Variants in TSPAN17 observed in about 807,000 individuals in gnomAD.
TSPAN17 encodes the protein tetraspanin-17.
TSPAN17 carries 33 observed loss-of-function variants against 40.5 expected under a neutral mutation model. That is an observed-to-expected ratio of 0.81 (90% CI 0.62 to 1.09). TSPAN17 has a LOEUF of 1.09. Ranked by LOEUF, TSPAN17 falls within the 50% of genes least tolerant of loss-of-function variation. The pLI is 0.00. For synonymous variants in TSPAN17, 166 were observed against 169.4 expected (o/e 0.98, Z 0.15); for missense variants, 365 against 416.8 (o/e 0.88, Z 1.08).
Position 176,654,622 on chromosome 5 carries a change from T to G in TSPAN17, c.457-273T>G. The G allele has an allele frequency of 2.3e-6, 1 of 436,298 alleles. No homozygotes were observed. The highest frequency in any genetic ancestry group is 4.5e-5 in the East Asian group (1 of 22,438). The allele number at this position is 436,298 out of a possible 1,614,324, so 27.0% of individuals were successfully genotyped here. The stretch of plus-strand genomic sequence containing the variant: ...GGTAGTCTGGAGGAAGCCACAGTCA[T>G]TGAACCAGTATCCTTGTCCCACTCC... On this transcript the variant is annotated intron_variant, in intron 4 of 8. Transcript: ENST00000508164. The surrounding 1 kb of genome is among the most constrained non-coding windows in gnomAD (Gnocchi z 4.3).
At position 176,654,300 on chromosome 5, in the gene TSPAN17, T is replaced by C. The variant is rs1761069062; in HGVS notation, c.457-595T>C. On this transcript the variant is annotated intron_variant, in intron 4 of 8. Transcript: ENST00000508164. The surrounding 1 kb of genome is among the most constrained non-coding windows in gnomAD (Gnocchi z 4.3). ...GCGCTGCTGCTCAGTGAGGGCTGTGTGCACCCGTGTGCCCCACAAGACCAT... is the reference window on the plus strand; with the variant it reads ...GCGCTGCTGCTCAGTGAGGGCTGTGCGCACCCGTGTGCCCCACAAGACCAT... 2 of 154,458 alleles carry C rather than the reference T, an allele frequency of 1.3e-5. 1 individual carries two copies. The highest frequency in any genetic ancestry group is 1.3e-4 in the Admixed American group (2 of 15,368). The allele number at this position is 154,458 out of a possible 1,614,324, so 9.6% of individuals were successfully genotyped here.
rs893350921 is a variant in TSPAN17 at position 176,658,292 on chromosome 5, C to G, written c.*594C>G. ...GCCTGCCTACTAGCGCTCTGGGGTTCGGAGAGTTTGGGAATTTCTCAGAGC... is the reference window on the plus strand; with the variant it reads ...GCCTGCCTACTAGCGCTCTGGGGTTGGGAGAGTTTGGGAATTTCTCAGAGC... On this transcript the variant is annotated 3_prime_UTR_variant, in exon 9 of 9. Transcript: ENST00000508164. The G allele has an allele frequency of 6.6e-6, 1 of 152,276 alleles. No homozygotes were observed. The highest frequency in any genetic ancestry group is 1.9e-4 in the East Asian group (1 of 5,198). 9.4% of individuals were successfully genotyped at this position (152,276 alleles called of 1,614,324 possible).
Position 176,654,266 on chromosome 5 carries a change from C to T in TSPAN17, c.457-629C>T, listed in dbSNP as rs576991043. ...CTCCCCCAGCCCTGTGGGCTGCTCT[C>T]CAGCCCCTGCGCTGCTGCTCAGTGA... On this transcript the variant is annotated intron_variant, in intron 4 of 8. Coordinates refer to ENST00000508164, the MANE Select transcript of TSPAN17 (RefSeq NM_130465.5). The surrounding 1 kb of genome is among the most constrained non-coding windows in gnomAD (Gnocchi z 4.3). 7.8e-5 allele frequency: 12 copies of T among 153,280 alleles called. No individual in the cohort carries two copies. The highest frequency in any genetic ancestry group is 2.9e-4 in the African/African-American group (12 of 41,590). The allele number at this position is 153,280 out of a possible 1,614,324, so 9.5% of individuals were successfully genotyped here. A position where few individuals can be genotyped will look rare whatever the true frequency, so the allele number is the denominator to read the frequency against.
rs146769130 is a variant in TSPAN17 at position 176,648,041 on chromosome 5, A to G, written c.87+339A>G. Among the ~76,000 whole-genome samples the G allele has an allele frequency of 1.2e-3, 181 of 152,008 alleles. 4 individuals are homozygous for G. In the East Asian group the frequency reaches 0.03, roughly 25 times the overall value. The stretch of plus-strand genomic sequence containing the variant: ...CCCCTCTCGCCCAGCCCTCCTTCCT[A>G]CCCTGGGATGTGGGATGCGTGCCAA... On this transcript the variant is annotated intron_variant, in intron 1 of 8. Coordinates refer to ENST00000508164, the MANE Select transcript of TSPAN17 (RefSeq NM_130465.5).
At position 176,657,507 on chromosome 5, in the gene TSPAN17, T is replaced by C; in HGVS notation, c.810-11T>C. 1 of 1,566,452 alleles carries C rather than the reference T, an allele frequency of 6.4e-7. No homozygotes were observed. The highest frequency in any genetic ancestry group is 8.7e-7 in the Non-Finnish European group (1 of 1,154,070). On this transcript the variant is annotated splice_polypyrimidine_tract_variant and intron_variant, in intron 8 of 8. Transcript: ENST00000508164. ...GGTCCAAGAATTTTCTTTCTCTTGC[T>C]TGCCTCTCAGGAGCAAATGGAATGA...
intron 1 of TSPAN17, among the ~76,000 whole-genome samples, chr5:176,648,709 C>A (rs1299332758): frequency 6.6e-6 from 1 of 152,162 alleles, no homozygotes; most frequent in Non-Finnish European, 1.5e-5. Context: ...GCTGGGACAC[C>A]TTGGGCAAGT....
rs769950529 is a variant in TSPAN17 at position 176,656,714 on chromosome 5, G to A, written c.645G>A (p.Gln215=). The A allele has an allele frequency of 1.2e-6, 2 of 1,614,166 alleles. No homozygotes were observed. Among genetic ancestry groups the A allele is most frequent in the South Asian group, 1.1e-5 (1 of 91,092 alleles). Residue 215 remains glutamine, a synonymous_variant, in exon 7 of 9, where the codon CAG becomes CAA. Coordinates refer to ENST00000508164, the MANE Select transcript of TSPAN17 (RefSeq NM_130465.5). ...CGTGTCCCCAGGAGCTGGAGCAGCA[G>A]GGCTTCATCCACACCAAAGGCTGCG... ...DVRLKLELEQ[Q]GFIHTKGCVG... is the part of the protein sequence containing the mutation.
chr5:176,657,363 T>C, intron 8 of TSPAN17, 155 bp from the exon 9 acceptor site: 1 of 1,324,526 alleles, frequency 7.5e-7, no homozygotes, highest in Non-Finnish European at 1.0e-6. Context: ...TGCGTAGCTG[T>C]ATGGGGCGCG....
intron 1 of TSPAN17, among the ~76,000 whole-genome samples, chr5:176,648,839 T>C (rs781693567): frequency 2.7e-5 from 4 of 147,658 alleles, no homozygotes; most frequent in Non-Finnish European, 4.4e-5. Flanking sequence ...AACTGCCTTA[T>C]TATCTGCATT....
In TSPAN17 at chr5:176,651,805, G is replaced by GA. The variant is rs753089582; in HGVS notation, c.190_191insA (p.Val64AspfsTer78). ...GACAGATCTGGGAGGCCTTGACCCC[G>GA]TGTGGCTGTTTGTGGTAGTTGGAGG... On this transcript the variant is annotated frameshift_variant, in exon 3 of 9. Transcript: ENST00000508164. LOFTEE classifies it high-confidence loss of function. The surrounding 1 kb of genome is among the most constrained non-coding windows in gnomAD (Gnocchi z 4.5). 1 of 1,614,136 alleles carries GA rather than the reference G, an allele frequency of 6.2e-7. No homozygotes were observed. The highest frequency in any genetic ancestry group is 2.2e-5 in the East Asian group (1 of 44,868).
rs761523681 is a variant in TSPAN17, at chr5:176,656,820, C to T, written c.747+4C>T. 20 of 1,614,190 alleles carry T rather than the reference C, an allele frequency of 1.2e-5. No individual in the cohort carries two copies. The highest frequency in any genetic ancestry group is 2.2e-5 in the East Asian group (1 of 44,878). ...CATGGGCATCGCCCTCCTCCAGGTA[C>T]CCTTGTGGCCCCACGTGCCCCTCCC... On this transcript the variant is annotated splice_donor_region_variant and intron_variant, in intron 7 of 8. Transcript: ENST00000508164.
chr5:176,649,934 C>T (rs985502724), intron 1 of TSPAN17, among the ~76,000 whole-genome samples: 1 of 152,220 alleles, frequency 6.6e-6, no homozygotes, highest in African/African-American at 2.4e-5. Flanking sequence ...CCCCACCCTC[C>T]CTTCTGCCCT....
intron 1 of TSPAN17, among the ~76,000 whole-genome samples, chr5:176,649,079 G>A (rs1760858993): frequency 6.6e-6 from 1 of 152,142 alleles, no homozygotes; most frequent in Non-Finnish European, 1.5e-5. Flanking sequence ...GCATGGAGAA[G>A]CGAGGGCTTC....
intron 8 of TSPAN17, 83 bp downstream of exon 8, chr5:176,657,039 T>G: frequency 7.2e-7 from 1 of 1,380,484 alleles, no homozygotes; most frequent in East Asian, 2.4e-5. Context: ...ACTATACTCC[T>G]GACGGGCAAG....
chr5:176,651,518 C>G lies in TSPAN17; in HGVS notation c.88-98C>G. On this transcript the variant is annotated intron_variant, in intron 1 of 8. Coordinates refer to ENST00000508164, the MANE Select transcript of TSPAN17 (RefSeq NM_130465.5). The surrounding 1 kb of genome is among the most constrained non-coding windows in gnomAD (Gnocchi z 4.5). ...CCGTTCACAGCCCTTGTGCCTCTTC[C>G]TCTCTCCGCTGGAAAGGCCCTGGCT... The G allele has an allele frequency of 7.4e-7, 1 of 1,346,344 alleles. No individual in the cohort carries two copies. The highest frequency in any genetic ancestry group is 1.0e-6 in the Non-Finnish European group (1 of 996,524). The allele number at this position is 1,346,344 out of a possible 1,614,324, so 83.4% of individuals were successfully genotyped here.
At position 176,656,927 on chromosome 5, in the gene TSPAN17, G is replaced by T; in HGVS notation, c.780G>T (p.Val260=). 1 of 1,614,130 alleles carries T rather than the reference G, an allele frequency of 6.2e-7. No individual in the cohort carries two copies. Among genetic ancestry groups the T allele is most frequent in the South Asian group, 1.1e-5 (1 of 91,080 alleles). The part of the protein sequence containing the change: ...IFGICLAQNL[V]SDIKAVKANW... Reference sequence around the variant, plus strand: ...GCATCTGCCTGGCCCAGAACCTCGTGAGTGACATCAAGGCAGTGAAAGCCA... The same window carrying T: ...GCATCTGCCTGGCCCAGAACCTCGTTAGTGACATCAAGGCAGTGAAAGCCA... The change falls in exon 8 of 9, where the codon GTG becomes GTT. Residue 260 remains valine, a synonymous_variant. Coordinates refer to ENST00000508164, the MANE Select transcript of TSPAN17 (RefSeq NM_130465.5).
In TSPAN17 at chr5:176,651,886, T is replaced by G. The variant is rs754838982; in HGVS notation, c.271T>G (p.Phe91Val). The G allele has an allele frequency of 3.1e-6, 5 of 1,614,046 alleles. No homozygotes were observed. Among genetic ancestry groups the G allele is most frequent in the Non-Finnish European group, 4.2e-6 (5 of 1,180,008 alleles). Reference protein sequence around the residue: ...GCIGALRENTFLLKFFSVFLG... With the variant: ...GCIGALRENTVLLKFFSVFLG... ...CATTGGGGCCCTCCGGGAGAACACC[T>G]TCCTGCTCAAGTTTGTGAGTGCTGC... The change falls in exon 3 of 9, where the codon TTC (phenylalanine) becomes GTC (valine). Residue 91 changes from phenylalanine (F) to valine (V), a missense_variant. Transcript: ENST00000508164. The surrounding 1 kb of genome is among the most constrained non-coding windows in gnomAD (Gnocchi z 4.5).
Position 176,654,667 on chromosome 5 carries a change from C to G in TSPAN17, c.457-228C>G. ...CACTCCCTCCCTTTTTCTAGCCTCT[C>G]TTGGGTCGGGGAAGGGGGAGCTCAG... On this transcript the variant is annotated intron_variant, in intron 4 of 8. Coordinates refer to ENST00000508164, the MANE Select transcript of TSPAN17 (RefSeq NM_130465.5). The surrounding 1 kb of genome is among the most constrained non-coding windows in gnomAD (Gnocchi z 4.3). The G allele has an allele frequency of 3.7e-6, 2 of 545,486 alleles. No individual in the cohort carries two copies. Among genetic ancestry groups the G allele is most frequent in the Non-Finnish European group, 6.5e-6 (2 of 306,262 alleles). The allele number at this position is 545,486 out of a possible 1,614,324, so 33.8% of individuals were successfully genotyped here.
chr5:176,648,623 G>A (rs982237107), intron 1 of TSPAN17, among the ~76,000 whole-genome samples: 4 of 152,192 alleles, frequency 2.6e-5, no homozygotes, highest in African/African-American at 7.2e-5. Flanking sequence ...GCACTGCAGC[G>A]CTAGGCTCTT....
Sources: gnomAD v4.1 joint callset for allele counts (sites outside exome capture counted in the v4.1 genomes callset) on GRCh38, gnomAD v4.1.1 for gene constraint, Gnocchi (gnomAD v3.1) non-coding constraint, MANE v1.5 for transcripts, NCBI Gene and HGNC (gene_info 2026-07-23, HGNC 2026-07-21) for gene names.